Variants in MIPEP observed in about 807,000 individuals in gnomAD.
MIPEP encodes the protein mitochondrial intermediate peptidase.
Under a neutral mutation model 90.3 loss-of-function variants are expected in MIPEP, and 79 were observed. That is an observed-to-expected ratio of 0.87 (90% CI 0.73 to 1.05). The LOEUF is 1.05. MIPEP is among the 50% of genes least tolerant of loss of function. The probability of loss-of-function intolerance (pLI) is 0.00; values close to 1 mark genes in which losing one functional copy is unlikely to be tolerated. For missense variants in MIPEP, 940 were observed against 905.6 expected (o/e 1.04, Z -0.49); for synonymous variants, 334 against 315.8 (o/e 1.06, Z -0.61).
intron 18 of MIPEP, among the ~76,000 whole-genome samples, chr13:23,731,725 T>C (rs779376545): frequency 6.6e-5 from 10 of 151,996 alleles, no homozygotes; most frequent in Non-Finnish European, 1.5e-4. Flanking sequence ...ACAAAACATA[T>C]CTCACGTAAG....
At chr13:23,873,788 T>C (rs1870938828) in intron 5 of MIPEP, among the ~76,000 whole-genome samples, 1 of 152,088 alleles carries the variant, frequency 6.6e-6, no homozygotes, top group Non-Finnish European at 1.5e-5. Flanking sequence ...AATGAAGAAT[T>C]GATGTGGAAA....
At chr13:23,774,547 C>T (rs1168492277) in intron 16 of MIPEP, among the ~76,000 whole-genome samples, 1 of 152,106 alleles carries the variant, frequency 6.6e-6, no homozygotes, top group Non-Finnish European at 1.5e-5. Flanking sequence ...GAACATGAGA[C>T]ATCTTTCCAT....
rs138524081 is a variant in MIPEP, at chr13:23,787,324, G to C, written c.1848+18626C>G. ...AGTGTCTGATGACGGCCTGCTTCCA[G>C]TGTGGAGATGGCAGTTTGCTTGCTG... On this transcript the variant is annotated intron_variant, in intron 16 of 18. Coordinates refer to ENST00000382172, the MANE Select transcript of MIPEP (RefSeq NM_005932.4). Among the ~76,000 whole-genome samples, 33 of 152,254 alleles carry C rather than the reference G, an allele frequency of 2.2e-4. No homozygotes were observed. The East Asian group carries it at 3.3e-3, about 15-fold the overall frequency.
chr13:23,769,045 C>T (rs923917877), intron 16 of MIPEP, among the ~76,000 whole-genome samples: 10 of 152,188 alleles, frequency 6.6e-5, no homozygotes, highest in Non-Finnish European at 1.3e-4. Flanking sequence ...CAAATACTTG[C>T]TCTTTTTCTT....
intron 18 of MIPEP, 32 bp from the exon 19 acceptor site, chr13:23,730,477 C>T (rs1405229285): frequency 7.0e-7 from 1 of 1,421,638 alleles, no homozygotes; most frequent in South Asian, 1.2e-5. Context: ...GAACTGCGTT[C>T]ACCAGGAGGC....
intron 17 of MIPEP, among the ~76,000 whole-genome samples, chr13:23,758,269 G>A (rs367708379): frequency 6.6e-6 from 1 of 152,248 alleles, no homozygotes; most frequent in South Asian, 2.1e-4. Context: ...GCTTGCCTCA[G>A]CTCTGCAATG....
intron 14 of MIPEP, among the ~76,000 whole-genome samples, chr13:23,811,423 T>A (rs1055029136): frequency 3.3e-4 from 50 of 152,318 alleles, no homozygotes; most frequent in East Asian, 2.9e-3. Flanking sequence ...AAGAAAAATT[T>A]GGTTTATAGT....
intron 14 of MIPEP, among the ~76,000 whole-genome samples, chr13:23,827,454 A>T (rs1868521107): frequency 6.6e-6 from 1 of 152,202 alleles, no homozygotes; most frequent in Non-Finnish European, 1.5e-5. Context: ...CAGAGGAAAC[A>T]ACAGACCCTG....
At chr13:23,878,236 A>G (rs1871147277) in intron 4 of MIPEP, among the ~76,000 whole-genome samples, 1 of 152,208 alleles carries the variant, frequency 6.6e-6, no homozygotes, top group African/African-American at 2.4e-5. Context: ...TATAACGATA[A>G]AGCTTAAACT....
chr13:23,774,784 CTTTTTTTTTTTTT>C (rs67628137), intron 16 of MIPEP, among the ~76,000 whole-genome samples: 2 of 68,250 alleles, frequency 2.9e-5, no homozygotes, highest in African/African-American at 1.3e-4. Context: ...TTTATCAGTT[CTTTTTTTTTTTTT>C]TTTTTTTTTT....
intron 16 of MIPEP, among the ~76,000 whole-genome samples, chr13:23,784,366 T>C (rs959768638): frequency 6.6e-6 from 1 of 152,132 alleles, no homozygotes; most frequent in Non-Finnish European, 1.5e-5. Flanking sequence ...TTGACAAACC[T>C]GACAAAAACA....
chr13:23,775,579 G>A (rs1045647742), intron 16 of MIPEP, among the ~76,000 whole-genome samples: 1 of 152,102 alleles, frequency 6.6e-6, no homozygotes, highest in Admixed American at 6.5e-5. Flanking sequence ...AAGGCCTTTG[G>A]GGTACGTAGG....
intron 18 of MIPEP, among the ~76,000 whole-genome samples, chr13:23,754,150 A>G (rs994872460): frequency 6.6e-6 from 1 of 152,212 alleles, no homozygotes; most frequent in Non-Finnish European, 1.5e-5. Flanking sequence ...TACAAATCTC[A>G]GTAATTTCAC....
chr13:23,818,450 GAATA>G (rs34537088), intron 14 of MIPEP, among the ~76,000 whole-genome samples: 30 of 151,070 alleles, frequency 2.0e-4, no homozygotes, highest in African/African-American at 7.1e-4. Context: ...ATAAATAAAT[GAATA>G]AATAAATAAA....
intron 14 of MIPEP, among the ~76,000 whole-genome samples, chr13:23,833,226 G>C (rs1868855769): frequency 6.6e-6 from 1 of 152,124 alleles, no homozygotes; most frequent in South Asian, 2.1e-4. Context: ...GGCTAGGACT[G>C]CACTTAAGAT....
In MIPEP at chr13:23,889,149, G is replaced by C; in HGVS notation, c.172C>G (p.Leu58Val). The change falls in exon 1 of 19, where the codon CTG becomes GTG. Residue 58 changes from leucine to valine, a missense_variant. By Grantham distance (32) the Leu-to-Val change is conservative. Coordinates refer to ENST00000382172, the MANE Select transcript of MIPEP (RefSeq NM_005932.4). ...CCGCTCACCCGGCGCTCGCCGAACA[G>C]GTCCAAGCGGCTGCCCTGGGGCTTG... The part of the protein sequence containing the change: ...NVKPQGSRLD[L>V]FGERRGLFGV... 1 of 1,456,562 alleles carries C rather than the reference G, an allele frequency of 6.9e-7. No individual in the cohort carries two copies. Among genetic ancestry groups the C allele is most frequent in the Non-Finnish European group, 9.0e-7 (1 of 1,106,016 alleles). 90.2% of individuals were successfully genotyped at this position (1,456,562 alleles called of 1,614,324 possible). A position where few individuals can be genotyped will look rare whatever the true frequency, so the allele number is the denominator to read the frequency against.
chr13:23,884,220 AG>A (rs1275991635), intron 2 of MIPEP, among the ~76,000 whole-genome samples: 68 of 105,882 alleles, frequency 6.4e-4, no homozygotes, highest in Non-Finnish European at 8.5e-4. Flanking sequence ...GTTAGTGGGG[AG>A]GGGGGGGTGT....
intron 18 of MIPEP, among the ~76,000 whole-genome samples, chr13:23,737,827 G>A (rs1952281739): frequency 6.6e-6 from 1 of 152,150 alleles, no homozygotes; most frequent in Non-Finnish European, 1.5e-5. Context: ...GGGTGAAATC[G>A]TTGGTGTATC....
At chr13:23,815,184 T>C (rs1593170123) in intron 14 of MIPEP, among the ~76,000 whole-genome samples, 1 of 152,374 alleles carries the variant, frequency 6.6e-6, no homozygotes, top group African/African-American at 2.4e-5. Context: ...CTGTGTTATT[T>C]ACATACTCTG....
Sources: gnomAD v4.1 joint callset for allele counts (sites outside exome capture counted in the v4.1 genomes callset) on GRCh38, gnomAD v4.1.1 for gene constraint, MANE v1.5 for transcripts, NCBI Gene and HGNC (gene_info 2026-07-23, HGNC 2026-07-21) for gene names.